The following CERS6 variants were observed in gnomAD, a reference collection of about 807,000 sequenced individuals.
The protein encoded by CERS6 is LAG1 homolog, ceramide synthase 6.
A neutral mutation model predicts 56.8 loss-of-function variants in CERS6; 26 were observed. The ratio of observed to expected loss-of-function variants is 0.46; its 90% CI spans 0.34 to 0.63. The LOEUF (loss-of-function observed/expected upper bound fraction) is 0.63. Ranked by LOEUF, CERS6 falls within the 30% of genes least tolerant of loss-of-function variation. The pLI, the probability that CERS6 is intolerant of heterozygous loss-of-function variation, is 0.01. For missense variants in CERS6, 415 were observed against 467.5 expected (o/e 0.89, Z 1.04); for synonymous variants, 164 against 173.3 (o/e 0.95, Z 0.42).
At chr2:168,667,967 C>T (rs889751180) in intron 4 of CERS6, among the ~76,000 whole-genome samples, 3 of 152,084 alleles carry the variant, frequency 2.0e-5, no homozygotes, top group Non-Finnish European at 2.9e-5. Flanking sequence ...TTTGGTGGGG[C>T]CTTGTAGGCA....
At chr2:168,486,074 A>G (rs1157893223) in intron 1 of CERS6, among the ~76,000 whole-genome samples, 1 of 152,088 alleles carries the variant, frequency 6.6e-6, no homozygotes, top group African/African-American at 2.4e-5. Context: ...GTATCTTATC[A>G]ATTTAATTTG....
chr2:168,475,953 C>T (rs1040695336), intron 1 of CERS6, among the ~76,000 whole-genome samples: 3 of 152,138 alleles, frequency 2.0e-5, no homozygotes, highest in African/African-American at 7.2e-5. Context: ...TTTTTGTTAG[C>T]TAGGTAAGCC....
In CERS6 at chr2:168,463,238, TATC is replaced by T. The variant is rs576704458; in HGVS notation, c.170+6623_170+6625del. Among the ~76,000 whole-genome samples, 20 of 152,342 alleles carry T rather than the reference TATC, an allele frequency of 1.3e-4. No individual in the cohort carries two copies. In the South Asian group the frequency reaches 2.9e-3, roughly 22 times the overall value. On this transcript the variant is annotated intron_variant, in intron 1 of 9. Transcript: ENST00000305747. ...TTGGTGTCTCCTATTTTAAAGTAAA[TATC>T]ATTCAATCATACTGTATATATATGG...
intron 1 of CERS6, among the ~76,000 whole-genome samples, chr2:168,461,123 T>A (rs188306531): frequency 6.6e-6 from 1 of 152,310 alleles, no homozygotes; most frequent in African/African-American, 2.4e-5. Flanking sequence ...TCAGTGTTCC[T>A]ATAGTGTACC....
chr2:168,602,371 T>C (rs952814393), intron 3 of CERS6, among the ~76,000 whole-genome samples: 1 of 152,242 alleles, frequency 6.6e-6, no homozygotes, highest in Admixed American at 6.5e-5. Context: ...GTACTTTTGC[T>C]AAATGTATAA....
chr2:168,633,631 C>G (rs1684799243), intron 4 of CERS6, among the ~76,000 whole-genome samples: 1 of 152,084 alleles, frequency 6.6e-6, no homozygotes, highest in Admixed American at 6.5e-5. Context: ...ATTTGTAGAA[C>G]TTTAAATACT....
chr2:168,549,847 T>G (rs1695534923), intron 2 of CERS6, among the ~76,000 whole-genome samples: 1 of 152,110 alleles, frequency 6.6e-6, no homozygotes, highest in South Asian at 2.1e-4. Context: ...AACCAATCAG[T>G]TGACTGGAAT....
chr2:168,465,263 T>C (rs1693850693), intron 1 of CERS6, among the ~76,000 whole-genome samples: 1 of 152,232 alleles, frequency 6.6e-6, no homozygotes, highest in Non-Finnish European at 1.5e-5. Flanking sequence ...TTTTGGAGGC[T>C]GGAGAGTCCA....
At chr2:168,619,039 G>A (rs1684395456) in intron 3 of CERS6, among the ~76,000 whole-genome samples, 1 of 152,172 alleles carries the variant, frequency 6.6e-6, no homozygotes, top group African/African-American at 2.4e-5. Context: ...GAACAGAACA[G>A]AGAACCAGAA....
At position 168,738,233 on chromosome 2, in the gene CERS6, CTTACAGCTA is replaced by C. The variant is rs1683775249; in HGVS notation, c.845+20259_845+20267del. ...GTGGTAGTCCAGGCCTTGCTTTCTG[CTTACAGCTA>C]TTAGCACAGGGCTTGTTACATGTGA... On this transcript the variant is annotated intron_variant, in intron 8 of 9. Transcript: ENST00000305747. 2.0e-5 allele frequency among the ~76,000 whole-genome samples: 3 copies of C among 152,298 alleles called. No homozygotes were observed. In the South Asian group the frequency reaches 6.2e-4, roughly 32 times the overall value.
chr2:168,506,817 G>A (rs977022536), intron 1 of CERS6, among the ~76,000 whole-genome samples: 2 of 152,090 alleles, frequency 1.3e-5, no homozygotes, highest in South Asian at 2.1e-4. Flanking sequence ...TTAAATGTTC[G>A]TGGCTTAAAA....
chr2:168,648,657 T>TTTA (rs1685263084), intron 4 of CERS6, among the ~76,000 whole-genome samples: 1 of 152,230 alleles, frequency 6.6e-6, no homozygotes, highest in Non-Finnish European at 1.5e-5. Context: ...GATGTGGGCA[T>TTTA]TTAGTGCTAT....
At chr2:168,711,987 TAGAG>T (rs1180494053) in intron 6 of CERS6, among the ~76,000 whole-genome samples, 1 of 151,956 alleles carries the variant, frequency 6.6e-6, no homozygotes, top group Non-Finnish European at 1.5e-5. Context: ...GAATAGAAAT[TAGAG>T]ACAGAGGCCT....
At chr2:168,690,285 T>C (rs1386285415) in intron 4 of CERS6, among the ~76,000 whole-genome samples, 1 of 152,184 alleles carries the variant, frequency 6.6e-6, no homozygotes, top group African/African-American at 2.4e-5. Context: ...ATAACATTAA[T>C]ACTTCTTTTG....
At chr2:168,496,287 A>T (rs1007341852) in intron 1 of CERS6, among the ~76,000 whole-genome samples, 1 of 152,200 alleles carries the variant, frequency 6.6e-6, no homozygotes, top group Non-Finnish European at 1.5e-5. Context: ...CAATGACACT[A>T]GTATAGTAGT....
rs183598217 is a variant in CERS6, at chr2:168,731,704, C to T, written c.845+13726C>T. ...TCTGGCATAACGATTTTAAATTCTG[C>T]ATGAGGGACCTGGTGAGTCATCCCC... On this transcript the variant is annotated intron_variant, in intron 8 of 9. Transcript: ENST00000305747. Among the ~76,000 whole-genome samples, 299 of 151,950 alleles carry T rather than the reference C, an allele frequency of 2.0e-3. 1 individual carries two copies. The highest frequency in any genetic ancestry group is 6.9e-3 in the Middle Eastern group (2 of 288).
At chr2:168,529,197 T>G (rs1161986657) in intron 1 of CERS6, among the ~76,000 whole-genome samples, 1 of 152,218 alleles carries the variant, frequency 6.6e-6, no homozygotes, top group African/African-American at 2.4e-5. Flanking sequence ...TGTGAAGGAT[T>G]CTACTGTCAT....
In CERS6 at chr2:168,464,171, T is replaced by TG. The variant is rs1491113181; in HGVS notation, c.170+7553_170+7554insG. Among the ~76,000 whole-genome samples the TG allele has an allele frequency of 4.9e-4, 57 of 115,722 alleles. No homozygotes were observed. The East Asian group carries it at 0.013, about 27-fold the overall frequency. 75.9% of individuals were successfully genotyped at this position (115,722 alleles called of 152,430 possible). On this transcript the variant is annotated intron_variant, in intron 1 of 9. Coordinates refer to ENST00000305747, the MANE Select transcript of CERS6 (RefSeq NM_203463.3). ...TTTTTCTCTGGTCACATATTTATAC[T>TG]TTTTGTGTGTGTGTGTGTGTGTGTG...
intron 3 of CERS6, among the ~76,000 whole-genome samples, chr2:168,592,900 T>G (rs1219780673): frequency 6.6e-6 from 1 of 152,194 alleles, no homozygotes; most frequent in Non-Finnish European, 1.5e-5. Context: ...TCTCTTACCA[T>G]TCTAGGGGCC....
Sources: gnomAD v4.1 joint callset for allele counts (sites outside exome capture counted in the v4.1 genomes callset) on GRCh38, gnomAD v4.1.1 for gene constraint, MANE v1.5 for transcripts, NCBI Gene and HGNC (gene_info 2026-07-23, HGNC 2026-07-21) for gene names.